SNUPN: variants seen among roughly 807,000 people sequenced by gnomAD.
SNUPN encodes snurportin 1.
In SNUPN, 31 loss-of-function variants were observed where a neutral mutation model predicts 39.2. The ratio of observed to expected loss-of-function variants is 0.79; its 90% CI spans 0.59 to 1.07. SNUPN has a LOEUF of 1.07. SNUPN is among the 50% of genes least tolerant of loss of function. The probability of loss-of-function intolerance (pLI) is 0.00; values close to 1 mark genes in which losing one functional copy is unlikely to be tolerated. For synonymous variants in SNUPN, 132 were observed against 159.0 expected (o/e 0.83, Z 1.28); for missense variants, 382 against 434.2 (o/e 0.88, Z 1.07).
At chr15:75,625,272 C>T (rs537231585) in intron 1 of SNUPN, 19 of 147,664 alleles carry the variant, frequency 1.3e-4, no homozygotes, top group African/African-American at 4.8e-4. Context: ...TCGCGTCTCC[C>T]CATCCGGCGC....
intron 3 of SNUPN, among the ~76,000 whole-genome samples, chr15:75,613,101 CA>C (rs1261055454): frequency 6.6e-6 from 1 of 151,104 alleles, no homozygotes; most frequent in Non-Finnish European, 1.5e-5. Context: ...ACTGAAAATA[CA>C]AAAAAAATTA....
intron 8 of SNUPN, among the ~76,000 whole-genome samples, chr15:75,599,727 C>T (rs1245236463): frequency 6.6e-6 from 1 of 152,172 alleles, no homozygotes; most frequent in African/African-American, 2.4e-5. Context: ...TCTTAATTGA[C>T]TCCCAGAAAT....
At chr15:75,601,290 TCAGGC>T in intron 7 of SNUPN, 72 bp from the exon 8 acceptor site, 6 of 1,128,770 alleles carry the variant, frequency 5.3e-6, no homozygotes, top group Non-Finnish European at 8.1e-6. Flanking sequence ...AAAATCTCTG[TCAGGC>T]CAGGCATAGT....
intron 8 of SNUPN, 194 bp downstream of exon 8, chr15:75,600,941 CCAG>C (rs2075280581): frequency 2.0e-6 from 1 of 512,328 alleles, no homozygotes; most frequent in East Asian, 3.5e-5. Flanking sequence ...CCTTCCAGTG[CCAG>C]CATTCTGACT....
intron 2 of SNUPN, among the ~76,000 whole-genome samples, chr15:75,620,365 C>G (rs1356478086): frequency 1.3e-5 from 2 of 152,118 alleles, no homozygotes; most frequent in Non-Finnish European, 2.9e-5. Flanking sequence ...ACACTCTTAT[C>G]CTGCCCTCTT....
chr15:75,624,542 G>A (rs1254071335), intron 1 of SNUPN, among the ~76,000 whole-genome samples: 1 of 150,120 alleles, frequency 6.7e-6, no homozygotes, highest in Admixed American at 6.6e-5. Flanking sequence ...GCATGGTGAC[G>A]GGCGCCTGTA....
chr15:75,620,757 C>G (rs1893047707), intron 2 of SNUPN, 137 bp downstream of exon 2: 1 of 766,704 alleles, frequency 1.3e-6, no homozygotes, highest in African/African-American at 1.8e-5. Context: ...TTTACCCCTC[C>G]CAACCTGTGG....
intron 6 of SNUPN, 130 bp from the exon 7 acceptor site, chr15:75,605,357 A>C (rs939947352): frequency 3.7e-6 from 2 of 547,268 alleles, no homozygotes; most frequent in African/African-American, 4.3e-5. Flanking sequence ...CCCAGGCTGG[A>C]GTGCAATGGT....
chr15:75,601,791 AAAG>A (rs1246200197), intron 7 of SNUPN, among the ~76,000 whole-genome samples: 1 of 152,094 alleles, frequency 6.6e-6, no homozygotes, highest in Non-Finnish European at 1.5e-5. Context: ...ACAAAAAAAC[AAAG>A]AAGAAAAGTT....
chr15:75,619,293 A>C (rs1893011280), intron 2 of SNUPN, among the ~76,000 whole-genome samples: 1 of 151,800 alleles, frequency 6.6e-6, no homozygotes, highest in African/African-American at 2.4e-5. Context: ...AGTCAAAAAA[A>C]AAAAAAGCTT....
chr15:75,604,157 C>CTTTTTTTTTTTTTTTTTTTTTTTTTT (rs34924144), intron 7 of SNUPN, among the ~76,000 whole-genome samples: 1 of 114,942 alleles, frequency 8.7e-6, no homozygotes, highest in Non-Finnish European at 1.7e-5. Flanking sequence ...TTCCCTTTAA[C>CTTTTTTTTTTTTTTTTTTTTTTTTTT]TTTTTTTTTT....
intron 3 of SNUPN, among the ~76,000 whole-genome samples, chr15:75,610,400 CAAAAAAA>C (rs540383128): frequency 3.3e-5 from 2 of 61,086 alleles, no homozygotes. Context: ...AACTCTGTCT[CAAAAAAA>C]AAAAAAAAAA....
rs555915170 is a variant in SNUPN at position 75,599,337 on chromosome 15, A to G, written c.760-656T>C. Among the ~76,000 whole-genome samples the G allele has an allele frequency of 2.0e-5, 3 of 152,306 alleles. No homozygotes were observed. The East Asian group carries it at 5.8e-4, about 29-fold the overall frequency. On this transcript the variant is annotated intron_variant, in intron 8 of 8. Transcript: ENST00000308588. Reference sequence around the variant, plus strand: ...TCCTTAAAACACACAGTGAGTAGGAAGCAGGACTTCAACTTGAACTCTGGT... The same window carrying G: ...TCCTTAAAACACACAGTGAGTAGGAGGCAGGACTTCAACTTGAACTCTGGT...
intron 8 of SNUPN, 197 bp downstream of exon 8, chr15:75,600,941 C>A: frequency 2.0e-6 from 1 of 512,446 alleles, no homozygotes; most frequent in Middle Eastern, 4.2e-4. Context: ...CCTTCCAGTG[C>A]CAGCATTCTG....
intron 5 of SNUPN, among the ~76,000 whole-genome samples, chr15:75,608,325 G>A (rs1452862277): frequency 6.6e-6 from 1 of 152,172 alleles, no homozygotes; most frequent in Non-Finnish European, 1.5e-5. Context: ...AAAGGCTGCA[G>A]TGAGCTGTGA....
At chr15:75,600,344 G>A (rs890008683) in intron 8 of SNUPN, among the ~76,000 whole-genome samples, 6 of 150,372 alleles carry the variant, frequency 4.0e-5, no homozygotes, top group African/African-American at 7.4e-5. Context: ...GCTCAATCTC[G>A]GCTCACTGCA....
At chr15:75,624,539 G>T (rs555103242) in intron 1 of SNUPN, among the ~76,000 whole-genome samples, 19 of 150,064 alleles carry the variant, frequency 1.3e-4, no homozygotes, top group Non-Finnish European at 2.4e-4. Flanking sequence ...CAGGCATGGT[G>T]ACGGGCGCCT....
intron 1 of SNUPN, 72 bp from the exon 2 acceptor site, chr15:75,621,128 T>TTTTTC (rs1893058302): frequency 2.1e-6 from 3 of 1,411,872 alleles, no homozygotes; most frequent in Non-Finnish European, 9.8e-7. Context: ...GTTATGCAGT[T>TTTTTC]ATGATATGAT....
intron 5 of SNUPN, among the ~76,000 whole-genome samples, chr15:75,608,077 G>A (rs1259137288): frequency 2.0e-5 from 3 of 152,056 alleles, no homozygotes; most frequent in East Asian, 1.9e-4. Flanking sequence ...GGTACTAAAC[G>A]CCAACAGAGA....
Sources: allele counts gnomAD v4.1 joint callset (sites outside exome capture counted in the v4.1 genomes callset), GRCh38; gene constraint gnomAD v4.1.1; transcripts MANE v1.5; gene names NCBI Gene and HGNC (gene_info 2026-07-23, HGNC 2026-07-21).